The following CNTNAP2 variants were observed in gnomAD, a reference collection of about 807,000 sequenced individuals.
CNTNAP2 encodes contactin associated protein 2.
Under a neutral mutation model 155.2 loss-of-function variants are expected in CNTNAP2, and 98 were observed. The ratio of observed to expected loss-of-function variants is 0.63; its 90% confidence interval spans 0.54 to 0.75. The LOEUF is 0.75. CNTNAP2 is among the 30% of genes least tolerant of loss of function. CNTNAP2 has a pLI of 0.00. For synonymous variants in CNTNAP2, 651 were observed against 631.2 expected, an observed-to-expected ratio of 1.03 and a Z score of -0.47; for missense variants, 1,727 against 1,688.1, an observed-to-expected ratio of 1.02 and a Z score of -0.40.
At chr7:148,083,987 C>T (rs563853468) in intron 15 of CNTNAP2, among the ~76,000 whole-genome samples, 1 of 152,262 alleles carries the variant, frequency 6.6e-6, no homozygotes, top group South Asian at 2.1e-4. Context: ...CGTAGGTGAC[C>T]ATAGATGTAG....
At chr7:148,046,232 C>T (rs1473174850) in intron 15 of CNTNAP2, among the ~76,000 whole-genome samples, 1 of 152,148 alleles carries the variant, frequency 6.6e-6, no homozygotes, top group African/African-American at 2.4e-5. Flanking sequence ...ACTCGTGAGC[C>T]ATTGTGCCCA....
At chr7:147,419,079 T>C (rs1228467837) in intron 10 of CNTNAP2, among the ~76,000 whole-genome samples, 3 of 152,134 alleles carry the variant, frequency 2.0e-5, no homozygotes, top group Admixed American at 6.5e-5. Context: ...GCCAAAAAAA[T>C]TTCAATGAGC....
intron 21 of CNTNAP2, among the ~76,000 whole-genome samples, chr7:148,328,509 CA>C (rs528471051): frequency 1.5e-5 from 1 of 67,276 alleles, no homozygotes; most frequent in Non-Finnish European, 3.2e-5. Flanking sequence ...TCTTGGTGTT[CA>C]ATAGGCCTTG....
At chr7:147,764,405 A>G (rs538306645) in intron 13 of CNTNAP2, among the ~76,000 whole-genome samples, 38 of 152,220 alleles carry the variant, frequency 2.5e-4, no homozygotes, top group African/African-American at 7.7e-4. Context: ...CAAATACCTA[A>G]TTTCACTCTT....
intron 13 of CNTNAP2, among the ~76,000 whole-genome samples, chr7:147,685,898 T>C (rs1796010062): frequency 6.6e-6 from 1 of 151,850 alleles, no homozygotes; most frequent in Non-Finnish European, 1.5e-5. Flanking sequence ...AGGAATTTGC[T>C]GGGGAAGAGC....
chr7:146,203,058 C>A (rs758802344), intron 1 of CNTNAP2, among the ~76,000 whole-genome samples: 1 of 152,126 alleles, frequency 6.6e-6, no homozygotes, highest in African/African-American at 2.4e-5. Context: ...TATAAAAGAA[C>A]AAACTTTTCT....
intron 1 of CNTNAP2, among the ~76,000 whole-genome samples, chr7:146,247,799 C>CT (rs1003097852): frequency 6.6e-6 from 1 of 151,962 alleles, no homozygotes; most frequent in Non-Finnish European, 1.5e-5. Context: ...ATAACACAGG[C>CT]TAAAGGAGAA....
chr7:147,435,492 T>C (rs1461894719), intron 10 of CNTNAP2, among the ~76,000 whole-genome samples: 3 of 152,216 alleles, frequency 2.0e-5, no homozygotes, highest in Non-Finnish European at 2.9e-5. Context: ...TATATATCCA[T>C]GGATTGCAGC....
At chr7:146,424,280 A>C (rs2129114949) in intron 1 of CNTNAP2, among the ~76,000 whole-genome samples, 1 of 152,308 alleles carries the variant, frequency 6.6e-6, no homozygotes, top group East Asian at 1.9e-4. Context: ...AGGATTCGGC[A>C]CATAGCCAAA....
At chr7:148,255,544 T>C (rs1401024140) in intron 20 of CNTNAP2, among the ~76,000 whole-genome samples, 1 of 152,238 alleles carries the variant, frequency 6.6e-6, no homozygotes, top group Non-Finnish European at 1.5e-5. Context: ...TAATTTTTTC[T>C]TCCTACTATT....
At chr7:147,355,664 A>G (rs1584895305) in intron 9 of CNTNAP2, among the ~76,000 whole-genome samples, 1 of 152,290 alleles carries the variant, frequency 6.6e-6, no homozygotes, top group East Asian at 1.9e-4. Flanking sequence ...AAACACCTCT[A>G]TGCAAATAAA....
At position 147,718,934 on chromosome 7, in the gene CNTNAP2, C is replaced by T. The variant is rs1796522053; in HGVS notation, c.2098+79628C>T. On this transcript the variant is annotated intron_variant, in intron 13 of 23. Coordinates refer to ENST00000361727, the MANE Select transcript of CNTNAP2 (RefSeq NM_014141.6). ...TTACTATTGCACTGAGACATAAACA[C>T]TTTTTAATAACTGTCCTTTAAGGAT... Among the ~76,000 whole-genome samples, 5 of 152,148 alleles carry T rather than the reference C, an allele frequency of 3.3e-5. No individual in the cohort carries two copies. In the South Asian group the frequency reaches 1.0e-3, roughly 32 times the overall value.
At chr7:147,186,867 T>TTTAGAATGTCAGTGATGGTGAAGCTGTG (rs1563108078) in intron 8 of CNTNAP2, among the ~76,000 whole-genome samples, 9 of 141,794 alleles carry the variant, frequency 6.3e-5, no homozygotes, top group Admixed American at 2.1e-4. Context: ...AGAAGGCACT[T>TTTAGAATGTCAGTGATGGTGAAGCTGTG]GATCTTTTCG....
Position 148,417,898 on chromosome 7 carries a change from C to A in CNTNAP2, c.*2282C>A, listed in dbSNP as rs1800030688. 2.6e-5 allele frequency: 4 copies of A among 152,244 alleles called. No individual in the cohort carries two copies. The highest frequency in any genetic ancestry group is 4.8e-5 in the African/African-American group (2 of 41,444). 9.4% of individuals were successfully genotyped at this position (152,244 alleles called of 1,614,324 possible). Reference sequence around the variant, plus strand: ...GTTCTCATCCTTTCTCCTCCCTCTCCTTTTCCTGCCACAAAAGGTGAAAAA... The same window carrying A: ...GTTCTCATCCTTTCTCCTCCCTCTCATTTTCCTGCCACAAAAGGTGAAAAA... On this transcript the variant is annotated 3_prime_UTR_variant, in exon 24 of 24. Coordinates refer to ENST00000361727, the MANE Select transcript of CNTNAP2 (RefSeq NM_014141.6).
At position 146,808,108 on chromosome 7, in the gene CNTNAP2, G is replaced by A. The variant is rs74604207; in HGVS notation, c.209-31603G>A. On this transcript the variant is annotated intron_variant, in intron 2 of 23. Coordinates refer to ENST00000361727, the MANE Select transcript of CNTNAP2 (RefSeq NM_014141.6). ...TGGAGACTGAGTTTATTACATGAGCGGCCTGTCTTAAGTTTCTTGCCATCT... is the reference window on the plus strand; with the variant it reads ...TGGAGACTGAGTTTATTACATGAGCAGCCTGTCTTAAGTTTCTTGCCATCT... 2.9e-3 allele frequency among the ~76,000 whole-genome samples: 443 copies of A among 152,176 alleles called. 9 individuals are homozygous for A. In the East Asian group the frequency reaches 0.051, roughly 18 times the overall value.
At chr7:146,123,379 A>T (rs866735795) in intron 1 of CNTNAP2, among the ~76,000 whole-genome samples, 2 of 152,210 alleles carry the variant, frequency 1.3e-5, no homozygotes, top group Non-Finnish European at 2.9e-5. Context: ...TACCTTTTCT[A>T]GTACATTCAC....
chr7:146,522,418 C>T (rs1209144241), intron 1 of CNTNAP2, among the ~76,000 whole-genome samples: 2 of 152,030 alleles, frequency 1.3e-5, no homozygotes, highest in Admixed American at 1.3e-4. Context: ...ATTACCACAG[C>T]AGGTGTCATT....
chr7:146,947,527 A>ATGTGTGTGTGTGTG (rs1211183431), intron 3 of CNTNAP2, among the ~76,000 whole-genome samples: 1 of 124,770 alleles, frequency 8.0e-6, no homozygotes, highest in Admixed American at 9.4e-5. Flanking sequence ...GTGTGTATGT[A>ATGTGTGTGTGTGTG]TGTGTGTGTG....
intron 8 of CNTNAP2, among the ~76,000 whole-genome samples, chr7:147,271,823 C>T (rs1029621833): frequency 6.6e-6 from 1 of 152,178 alleles, no homozygotes; most frequent in Non-Finnish European, 1.5e-5. Flanking sequence ...TTCAAAATGA[C>T]ATTTGGGTGG....
Sources: allele counts gnomAD v4.1 joint callset (sites outside exome capture counted in the v4.1 genomes callset), GRCh38; gene constraint gnomAD v4.1.1; transcripts MANE v1.5; gene names NCBI Gene and HGNC (gene_info 2026-07-23, HGNC 2026-07-21).